ROCK1: variants seen among roughly 807,000 people sequenced by gnomAD.
ROCK1 encodes Rho associated coiled-coil containing protein kinase 1.
A neutral mutation model predicts 196.8 loss-of-function variants in ROCK1; 36 were observed. That is an observed-to-expected ratio of 0.18 (90% CI 0.14 to 0.24). The LOEUF is 0.24. Ranked by LOEUF, ROCK1 falls within the 10% of genes least tolerant of loss-of-function variation. The pLI is 1.00. For synonymous variants in ROCK1, 443 were observed against 515.9 expected, an observed-to-expected ratio of 0.86 and a Z score of 1.91; for missense variants, 920 against 1,562.0, an observed-to-expected ratio of 0.59 and a Z score of 6.93.
At chr18:21,015,156 T>C (rs1423118247) in intron 13 of ROCK1, among the ~76,000 whole-genome samples, 2 of 152,192 alleles carry the variant, frequency 1.3e-5, no homozygotes, top group Non-Finnish European at 2.9e-5. Context: ...CTTCTCTGGC[T>C]CCTTTCTCAC....
chr18:21,042,093 T>C lies in ROCK1; in HGVS notation c.959+4A>G, dbSNP rs775169854. ...AATACAGGCTCAGTTTTAAAATTAT[T>C]TACCTGTCAGTAAGGAAGGCACAAA... On this transcript the variant is annotated splice_donor_region_variant and intron_variant, in intron 8 of 32. Transcript: ENST00000399799. 1 of 1,596,634 alleles carries C rather than the reference T, an allele frequency of 6.3e-7. No homozygotes were observed. Among genetic ancestry groups the C allele is most frequent in the Non-Finnish European group, 8.5e-7 (1 of 1,175,316 alleles).
chr18:21,102,560 T>A (rs1288902993), intron 1 of ROCK1, among the ~76,000 whole-genome samples: 2 of 152,112 alleles, frequency 1.3e-5, no homozygotes, highest in Non-Finnish European at 2.9e-5. Flanking sequence ...AAAAGGAAAG[T>A]TAATTGCAGT....
Position 21,111,048 on chromosome 18 carries a change from C to A in ROCK1, c.-138G>T. ...GGGTCACCAGGTGCGCCCGGTTCCC[C>A]CGTCTTCCCCTCACTGAGGGGACCT... On this transcript the variant is annotated 5_prime_UTR_variant, in exon 1 of 33. Coordinates refer to ENST00000399799, the MANE Select transcript of ROCK1 (RefSeq NM_005406.3). This position sits in a 1 kb window ranked among gnomAD's most constrained non-coding sequence, Gnocchi z 4.2. 1 of 665,590 alleles carries A rather than the reference C, an allele frequency of 1.5e-6. No individual in the cohort carries two copies. The allele number at this position is 665,590 out of a possible 1,614,324, so 41.2% of individuals were successfully genotyped here.
At chr18:20,976,383 TACAC>T in intron 22 of ROCK1, among the ~76,000 whole-genome samples, 2 of 152,262 alleles carry the variant, frequency 1.3e-5, no homozygotes, top group South Asian at 4.1e-4. Flanking sequence ...CAGACACACA[TACAC>T]AAACATACAC....
At chr18:20,997,281 A>AT (rs2035680029) in intron 16 of ROCK1, among the ~76,000 whole-genome samples, 1 of 152,234 alleles carries the variant, frequency 6.6e-6, no homozygotes, top group Non-Finnish European at 1.5e-5. Context: ...AAACAAGGGG[A>AT]TGGAAACAGA....
chr18:21,075,906 T>G (rs1271902743), intron 1 of ROCK1, among the ~76,000 whole-genome samples: 3 of 139,396 alleles, frequency 2.2e-5, no homozygotes, highest in Non-Finnish European at 4.6e-5. Flanking sequence ...TGAGCCGACA[T>G]AGCACCACTG....
intron 23 of ROCK1, 116 bp from the exon 24 acceptor site, chr18:20,969,324 C>T (rs2035404688): frequency 5.3e-6 from 3 of 565,280 alleles, no homozygotes; most frequent in Non-Finnish European, 6.2e-6. Flanking sequence ...TGAACTACAG[C>T]AAATGTCTGG....
At chr18:21,108,052 C>T (rs1315761919) in intron 1 of ROCK1, among the ~76,000 whole-genome samples, 1 of 150,204 alleles carries the variant, frequency 6.7e-6, no homozygotes, top group African/African-American at 2.4e-5. Flanking sequence ...GAGATTCCAT[C>T]TCAGAAAAAA....
At chr18:21,039,749 A>T (rs1389941644) in intron 8 of ROCK1, among the ~76,000 whole-genome samples, 186 bp from the exon 9 acceptor site, 1 of 152,118 alleles carries the variant, frequency 6.6e-6, no homozygotes, top group East Asian at 1.9e-4. Context: ...AACATTAAAG[A>T]ATTTTTTTAA....
chr18:21,088,454 C>CCA (rs750853012), intron 1 of ROCK1, among the ~76,000 whole-genome samples: 5 of 152,176 alleles, frequency 3.3e-5, no homozygotes, highest in Non-Finnish European at 7.4e-5. Flanking sequence ...GAGCTATGAT[C>CCA]ACGTCACTGC....
intron 29 of ROCK1, among the ~76,000 whole-genome samples, chr18:20,959,105 A>ATATATATTATATAATATATATAT (rs2035293020): frequency 2.1e-4 from 7 of 33,888 alleles, no homozygotes; most frequent in African/African-American, 1.6e-3. Context: ...TATATATATT[A>ATATATATTATATAATATATATAT]TATATATATT....
intron 16 of ROCK1, among the ~76,000 whole-genome samples, chr18:21,000,074 C>T (rs1216080001): frequency 2.6e-5 from 4 of 152,108 alleles, no homozygotes; most frequent in South Asian, 2.1e-4. Context: ...ACCCTGAATA[C>T]GTAAAACATA....
intron 5 of ROCK1, 62 bp downstream of exon 5, chr18:21,045,230 T>TA: frequency 7.1e-7 from 1 of 1,414,806 alleles, no homozygotes; most frequent in Non-Finnish European, 9.6e-7. Flanking sequence ...TAAGAAATGT[T>TA]AAAGTTATTT....
chr18:21,041,341 G>A (rs1183727554), intron 8 of ROCK1, among the ~76,000 whole-genome samples: 1 of 149,070 alleles, frequency 6.7e-6, no homozygotes, highest in Non-Finnish European at 1.5e-5. Context: ...ACATAATGAA[G>A]GGAGACAAGT....
At chr18:21,042,795 G>T (rs2036118704) in intron 6 of ROCK1, 86 bp from the exon 7 acceptor site, 2 of 1,297,304 alleles carry the variant, frequency 1.5e-6, no homozygotes, top group Non-Finnish European at 1.1e-6. Context: ...TTACCTATGG[G>T]ACTCCAAATC....
At chr18:21,060,186 A>C (rs572503053) in intron 2 of ROCK1, among the ~76,000 whole-genome samples, 2 of 152,380 alleles carry the variant, frequency 1.3e-5, no homozygotes, top group East Asian at 3.9e-4. Context: ...AAACGGGTGA[A>C]TTTTATAGCA....
At chr18:20,970,085 TAAG>T (rs2035412299) in intron 23 of ROCK1, 1 of 278,502 alleles carries the variant, frequency 3.6e-6, no homozygotes, top group African/African-American at 2.2e-5. Context: ...ATATAACTAA[TAAG>T]ATCTACAGCC....
At chr18:20,987,820 C>A (rs1469618597) in intron 18 of ROCK1, among the ~76,000 whole-genome samples, 2 of 152,104 alleles carry the variant, frequency 1.3e-5, no homozygotes, top group Admixed American at 1.3e-4. Context: ...CCCAAACTTA[C>A]AAACTTAGCT....
In ROCK1 at chr18:20,966,980, G is replaced by A. The variant is rs2292296; in HGVS notation, c.3289C>T (p.Leu1097Phe). 1 of 1,613,530 alleles carries A rather than the reference G, an allele frequency of 6.2e-7. No individual in the cohort carries two copies. Among genetic ancestry groups the A allele is most frequent in the East Asian group, 2.2e-5 (1 of 44,850 alleles). ...CTAGCAACACTTGTAGAATCCGAGA[G>A]GTCCAAAAGTTTAGCACGCAATTGC... ...IEQLRAKLLDLSDSTSVASFP... is the reference protein window; with the variant it reads ...IEQLRAKLLDFSDSTSVASFP... The change falls in exon 27 of 33, where the codon CTC becomes TTC. Residue 1097 changes from leucine (L) to phenylalanine (F), a missense_variant. Transcript: ENST00000399799.
Sources: gnomAD v4.1 joint callset for allele counts (sites outside exome capture counted in the v4.1 genomes callset) on GRCh38, gnomAD v4.1.1 for gene constraint, Gnocchi (gnomAD v3.1) non-coding constraint, MANE v1.5 for transcripts, NCBI Gene and HGNC (gene_info 2026-07-23, HGNC 2026-07-21) for gene names.